ERBB4: variants seen among roughly 807,000 people sequenced by gnomAD.
ERBB4 encodes receptor tyrosine-protein kinase erbB-4.
ERBB4 carries 42 observed loss-of-function variants against 158.0 expected under a neutral mutation model. The ratio of observed to expected loss-of-function variants is 0.27; its 90% CI spans 0.21 to 0.34. The LOEUF is 0.34. ERBB4 is among the 10% of genes least tolerant of loss of function. ERBB4 has a pLI of 1.00. For synonymous variants in ERBB4, 583 were observed against 558.7 expected (o/e 1.04, Z -0.61); for missense variants, 1,333 against 1,624.1 (o/e 0.82, Z 3.08).
rs144226965 is a variant in ERBB4 at position 212,304,387 on chromosome 2, C to T, written c.83-179484G>A. Among the ~76,000 whole-genome samples the T allele has an allele frequency of 3.2e-3, 487 of 151,516 alleles. 5 individuals are homozygous for T. Among genetic ancestry groups the T allele is most frequent in the Non-Finnish European group, 4.6e-3 (311 of 67,618 alleles). ...GTTCAATGTCTTAGAAAATTTATTC[C>T]ACACACTAAAGTCAACATGCATGAG... On this transcript the variant is annotated intron_variant, in intron 1 of 27. Transcript: ENST00000342788.
chr2:211,406,749 T>C (rs777090987), intron 25 of ERBB4, among the ~76,000 whole-genome samples: 23 of 151,954 alleles, frequency 1.5e-4, no homozygotes, highest in Non-Finnish European at 2.9e-4. Flanking sequence ...AAACAAAAAA[T>C]AGTAAATACT....
chr2:212,136,411 A>T (rs776369943), intron 1 of ERBB4, among the ~76,000 whole-genome samples: 2 of 152,218 alleles, frequency 1.3e-5, no homozygotes, highest in Non-Finnish European at 2.9e-5. Flanking sequence ...AAAATGAGAA[A>T]TAGCAAGAGT....
intron 13 of ERBB4, among the ~76,000 whole-genome samples, chr2:211,677,123 A>T (rs1291740418): frequency 6.6e-6 from 1 of 152,192 alleles, no homozygotes; most frequent in Non-Finnish European, 1.5e-5. Context: ...CAAAGAAGAG[A>T]CATGTCAATA....
At chr2:211,925,455 C>T (rs2079992935) in intron 3 of ERBB4, among the ~76,000 whole-genome samples, 1 of 135,374 alleles carries the variant, frequency 7.4e-6, no homozygotes, top group African/African-American at 2.9e-5. Flanking sequence ...GATCTTGGCT[C>T]ACTGCAACCT....
At chr2:212,358,724 T>A (rs2089563869) in intron 1 of ERBB4, among the ~76,000 whole-genome samples, 1 of 151,738 alleles carries the variant, frequency 6.6e-6, no homozygotes, top group Non-Finnish European at 1.5e-5. Flanking sequence ...GGCTAAATGT[T>A]GTCATTTTCA....
rs772053479 is a variant in ERBB4 at position 211,387,018 on chromosome 2, A to C, written c.3316T>G (p.Cys1106Gly). ...GATAEIFDDS[C>G]CNGTLRKPVA... ...GGCTTGCGTAGGGTGCCATTACAGC[A>C]GGAGTCATCAAAAATCTCAGCAGTA... The change falls in exon 27 of 28, where the codon TGC (cysteine) becomes GGC (glycine). Residue 1106 changes from cysteine (C) to glycine (G), a missense_variant. By Grantham distance (159) the Cys-to-Gly change is radical (BLOSUM62 -3). This residue lies in a region of ERBB4 where 252 missense variants were observed against 241.3 expected (regional missense o/e 1.04). Transcript: ENST00000342788. 1 of 1,614,080 alleles carries C rather than the reference A, an allele frequency of 6.2e-7. No individual in the cohort carries two copies.
chr2:211,450,088 T>C (rs1274646632), intron 20 of ERBB4, among the ~76,000 whole-genome samples: 1 of 152,142 alleles, frequency 6.6e-6, no homozygotes, highest in East Asian at 1.9e-4. Context: ...CAGCAAATAA[T>C]AGAGTTGGAA....
intron 1 of ERBB4, among the ~76,000 whole-genome samples, chr2:212,240,284 A>C (rs181056248): frequency 6.6e-6 from 1 of 152,252 alleles, no homozygotes; most frequent in African/African-American, 2.4e-5. Context: ...TCTCCTTTGA[A>C]GCAGATCATA....
chr2:211,674,354 A>G (rs563115688), intron 13 of ERBB4, among the ~76,000 whole-genome samples: 1 of 152,214 alleles, frequency 6.6e-6, no homozygotes, highest in East Asian at 1.9e-4. Flanking sequence ...TTCTCATTTG[A>G]ATACTGTAAA....
At chr2:211,802,274 A>C (rs958601770) in intron 3 of ERBB4, among the ~76,000 whole-genome samples, 1 of 149,584 alleles carries the variant, frequency 6.7e-6, no homozygotes, top group Non-Finnish European at 1.5e-5. Context: ...AAAAAAAAAA[A>C]ACACAAAAAA....
intron 1 of ERBB4, among the ~76,000 whole-genome samples, chr2:212,472,336 A>G (rs1197888720): frequency 1.3e-5 from 2 of 151,918 alleles, no homozygotes; most frequent in African/African-American, 2.4e-5. Context: ...AATTAGGGAA[A>G]TAGAGGCTCA....
chr2:212,155,307 A>T (rs1306674256), intron 1 of ERBB4, among the ~76,000 whole-genome samples: 2 of 151,934 alleles, frequency 1.3e-5, no homozygotes, highest in South Asian at 2.1e-4. Flanking sequence ...TAATTATTAT[A>T]AAAAAGTTCA....
At chr2:212,255,725 A>G (rs1267480798) in intron 1 of ERBB4, among the ~76,000 whole-genome samples, 1 of 152,154 alleles carries the variant, frequency 6.6e-6, no homozygotes, top group Non-Finnish European at 1.5e-5. Context: ...GGTGCTCAGA[A>G]AGTTCAGATT....
At chr2:212,095,846 A>AATGGC (rs1217892230) in intron 2 of ERBB4, among the ~76,000 whole-genome samples, 1 of 151,416 alleles carries the variant, frequency 6.6e-6, no homozygotes, top group Non-Finnish European at 1.5e-5. Flanking sequence ...GAGGCAGGAG[A>AATGGC]ATGGCGTAAA....
chr2:212,512,370 A>C (rs1045758166), intron 1 of ERBB4, among the ~76,000 whole-genome samples: 201 of 152,096 alleles, frequency 1.3e-3, no homozygotes, highest in Middle Eastern at 3.4e-3. Flanking sequence ...ACAAAAAAAA[A>C]CAAATATGAT....
At chr2:211,977,041 A>G (rs1048375332) in intron 2 of ERBB4, among the ~76,000 whole-genome samples, 9 of 152,224 alleles carry the variant, frequency 5.9e-5, no homozygotes, top group Non-Finnish European at 1.3e-4. Flanking sequence ...TGTCAATACA[A>G]TCAAGAAGAA....
chr2:211,782,853 C>T (rs972420403), intron 4 of ERBB4, among the ~76,000 whole-genome samples: 18 of 152,228 alleles, frequency 1.2e-4, no homozygotes, highest in South Asian at 8.3e-4. Flanking sequence ...CTTGGCGATA[C>T]GGGCTCTTTT....
chr2:211,981,326 G>T (rs536011553), intron 2 of ERBB4, among the ~76,000 whole-genome samples: 9 of 152,124 alleles, frequency 5.9e-5, no homozygotes, highest in African/African-American at 2.2e-4. Flanking sequence ...CGATTAAAAG[G>T]TATATACAGA....
rs374594838 is a variant in ERBB4 at position 211,379,867 on chromosome 2, C to A, written c.*3748G>T. ...GTCAGGCTTAAACAATTTTAATTTT[C>A]TTTTCATTTTTGATACTTCAAGAAG... is the stretch of plus-strand genomic sequence containing the variant. On this transcript the variant is annotated 3_prime_UTR_variant, in exon 28 of 28. Coordinates refer to ENST00000342788, the MANE Select transcript of ERBB4 (RefSeq NM_005235.3). 5 of 231,788 alleles carry A rather than the reference C, an allele frequency of 2.2e-5. No homozygotes were observed. Among genetic ancestry groups the A allele is most frequent in the Non-Finnish European group, 4.3e-5 (5 of 117,296 alleles). The allele number at this position is 231,788 out of a possible 1,614,324, so 14.4% of individuals were successfully genotyped here. A position where few individuals can be genotyped will look rare whatever the true frequency, so the allele number is the denominator to read the frequency against.
Sources: allele counts gnomAD v4.1 joint callset (sites outside exome capture counted in the v4.1 genomes callset), GRCh38; gene constraint gnomAD v4.1.1; regional missense constraint gnomAD v4.1.1; transcripts MANE v1.5; gene names NCBI Gene and HGNC (gene_info 2026-07-23, HGNC 2026-07-21).